OR9Q1: variants seen among roughly 807,000 people sequenced by gnomAD.
OR9Q1 encodes the protein olfactory receptor family 9 subfamily Q member 1.
For synonymous variants in OR9Q1, 153 were observed against 148.6 expected (o/e 1.03, Z -0.22); for missense variants, 374 against 378.8 (o/e 0.99, Z 0.11).
chr11:58,165,523 C>T (rs1386896545), intron 2 of OR9Q1, among the ~76,000 whole-genome samples: 1 of 152,120 alleles, frequency 6.6e-6, no homozygotes, highest in East Asian at 1.9e-4. Context: ...CCTGCAGTAC[C>T]CTCTCTGCTG....
intron 2 of OR9Q1, chr11:58,125,230 TTACC>T (rs1854077661): frequency 1.9e-5 from 1 of 52,152 alleles, no homozygotes. Context: ...GATTCCCCCC[TTACC>T]CACCGCCCCC....
At chr11:58,092,609 A>G (rs1798281063) in intron 2 of OR9Q1, among the ~76,000 whole-genome samples, 1 of 152,118 alleles carries the variant, frequency 6.6e-6, no homozygotes. Context: ...ACAATTATGC[A>G]TTTTCAGAAT....
intron 2 of OR9Q1, among the ~76,000 whole-genome samples, chr11:58,056,950 C>A (rs1320736121): frequency 6.6e-6 from 1 of 150,532 alleles, no homozygotes; most frequent in Non-Finnish European, 1.5e-5. Flanking sequence ...CTGATCTGTA[C>A]CCACTTTCCT....
Position 58,172,133 on chromosome 11 carries a change from A to G in OR9Q1, c.-14-7298A>G, listed in dbSNP as rs114271987. 2.5e-3 allele frequency among the ~76,000 whole-genome samples: 384 copies of G among 152,244 alleles called. 2 individuals carry two copies. The highest frequency in any genetic ancestry group is 8.9e-3 in the African/African-American group (370 of 41,556). On this transcript the variant is annotated intron_variant, in intron 2 of 2. Transcript: ENST00000335397. ...TGTTGTCTCTGAGGATATTTCCTGT[A>G]TTTCCTTATATGATTAAAAATGTTA...
At chr11:58,094,544 CAG>C (rs1323843048) in intron 2 of OR9Q1, among the ~76,000 whole-genome samples, 1 of 152,074 alleles carries the variant, frequency 6.6e-6, no homozygotes, top group Non-Finnish European at 1.5e-5. Flanking sequence ...TTATCTCTGA[CAG>C]AATGAACTTT....
At chr11:58,139,509 C>T (rs750359182) in intron 2 of OR9Q1, among the ~76,000 whole-genome samples, 2 of 152,172 alleles carry the variant, frequency 1.3e-5, no homozygotes, top group Non-Finnish European at 1.5e-5. Flanking sequence ...GTTCAATTCC[C>T]ATCTATGAGT....
At chr11:58,118,364 T>G (rs1440472266) in intron 2 of OR9Q1, 2 of 629,114 alleles carry the variant, frequency 3.2e-6, no homozygotes, top group Non-Finnish European at 5.5e-6. Context: ...AATTGTAGTT[T>G]TTCCTGTGTG....
At position 58,032,889 on chromosome 11, in the gene OR9Q1, TA is replaced by T. The variant is rs536973460; in HGVS notation, c.-93+8787del. ...ACAAAGGTTTAATATCCAGAATCTA[TA>T]AGGGACTTAAATCAACAAGAAAAAA... On this transcript the variant is annotated intron_variant, in intron 1 of 2. Transcript: ENST00000335397. Among the ~76,000 whole-genome samples the T allele has an allele frequency of 2.2e-4, 34 of 152,112 alleles. 1 individual carries two copies. The highest frequency in any genetic ancestry group is 4.6e-4 in the Admixed American group (7 of 15,266).
chr11:58,038,369 G>C (rs1007413295), intron 1 of OR9Q1, among the ~76,000 whole-genome samples: 1 of 152,144 alleles, frequency 6.6e-6, no homozygotes, highest in Non-Finnish European at 1.5e-5. Context: ...TTTGTAAATA[G>C]GGAGTTTCTA....
intron 2 of OR9Q1, among the ~76,000 whole-genome samples, chr11:58,095,913 C>T (rs900817525): frequency 1.3e-5 from 2 of 152,124 alleles, no homozygotes; most frequent in Admixed American, 1.3e-4. Flanking sequence ...CTGTTCCATG[C>T]ATACATGTCT....
intron 2 of OR9Q1, among the ~76,000 whole-genome samples, chr11:58,130,626 T>C (rs1854132464): frequency 6.6e-6 from 1 of 152,082 alleles, no homozygotes; most frequent in Non-Finnish European, 1.5e-5. Flanking sequence ...ACCCCATTTC[T>C]ACTAAAAAAT....
chr11:58,027,271 T>C (rs1234687315), intron 1 of OR9Q1, among the ~76,000 whole-genome samples: 1 of 152,140 alleles, frequency 6.6e-6, no homozygotes, highest in Non-Finnish European at 1.5e-5. Context: ...TGCTTGGTGG[T>C]GGCAGAGGTG....
chr11:58,168,907 A>T (rs765188384), intron 2 of OR9Q1, among the ~76,000 whole-genome samples: 1 of 152,080 alleles, frequency 6.6e-6, no homozygotes, highest in South Asian at 2.1e-4. Flanking sequence ...ATAGTTTGCA[A>T]TTTCAGGATG....
intron 2 of OR9Q1, among the ~76,000 whole-genome samples, chr11:58,167,708 G>C (rs183895816): frequency 2.0e-5 from 3 of 152,288 alleles, no homozygotes; most frequent in South Asian, 2.1e-4. Flanking sequence ...CCTGGCTGCA[G>C]GTAGTCCTTG....
rs117830948 is a variant in OR9Q1, at chr11:58,036,837, T to G, written c.-93+12733T>G. Among the ~76,000 whole-genome samples, 8 of 152,288 alleles carry G rather than the reference T, an allele frequency of 5.3e-5. No individual in the cohort carries two copies. The East Asian group carries it at 1.5e-3, about 29-fold the overall frequency. ...TCTTATGGGTGAGCAAAGAAAGTAG[T>G]TTCTTGAGATGGACTCTACTCCTGG... On this transcript the variant is annotated intron_variant, in intron 1 of 2. Transcript: ENST00000335397.
intron 2 of OR9Q1, among the ~76,000 whole-genome samples, chr11:58,154,376 T>C (rs1369290325): frequency 1.1e-5 from 1 of 91,814 alleles, no homozygotes; most frequent in Admixed American, 1.8e-4. Context: ...ATCAATGCAA[T>C]GGATTTTTTT....
intron 2 of OR9Q1, among the ~76,000 whole-genome samples, chr11:58,125,714 C>G (rs1284506497): frequency 1.3e-5 from 2 of 152,098 alleles, no homozygotes; most frequent in Non-Finnish European, 2.9e-5. Flanking sequence ...GTCAGGGAGA[C>G]CACACTTCAG....
At position 58,179,785 on chromosome 11, in the gene OR9Q1, T is replaced by G; in HGVS notation, c.341T>G (p.Leu114Arg). The G allele has an allele frequency of 6.2e-7, 1 of 1,614,194 alleles. No individual in the cohort carries two copies. The highest frequency in any genetic ancestry group is 8.5e-7 in the Non-Finnish European group (1 of 1,180,014). ...TTCTTTGGTTCCATCGACTGCTACC[T>G]CTTGGCCCTCATGGCCTATGACCGC... Reference protein sequence around the residue: ...FTFFGSIDCYLLALMAYDRYL... With the variant: ...FTFFGSIDCYRLALMAYDRYL... Residue 114 changes from leucine to arginine, a missense_variant, in exon 3 of 3, where the codon CTC (leucine) becomes CGC (arginine). Physicochemically the swap from Leu to Arg is moderately radical, Grantham distance 102. Coordinates refer to ENST00000335397, the MANE Select transcript of OR9Q1 (RefSeq NM_001005212.4).
intron 2 of OR9Q1, among the ~76,000 whole-genome samples, chr11:58,175,743 C>T (rs933088229): frequency 6.6e-6 from 1 of 151,930 alleles, no homozygotes; most frequent in African/African-American, 2.4e-5. Flanking sequence ...CAATGTACCA[C>T]ATGGTTCCAT....
Sources: gnomAD v4.1 joint callset for allele counts (sites outside exome capture counted in the v4.1 genomes callset) on GRCh38, gnomAD v4.1.1 for gene constraint, MANE v1.5 for transcripts, NCBI Gene and HGNC (gene_info 2026-07-23, HGNC 2026-07-21) for gene names.